Variants in KDM6B observed in about 807,000 individuals in gnomAD.
KDM6B encodes the protein lysine demethylase 6B, also known as lysine-specific demethylase 6B.
Under a neutral mutation model 150.4 loss-of-function variants are expected in KDM6B, and 22 were observed. The observed-to-expected ratio is 0.15, with a 90% confidence interval of 0.10 to 0.21. The LOEUF is 0.21. Among genes scored for constraint, KDM6B ranks in the 10% least tolerant of loss-of-function variants. The probability of loss-of-function intolerance (pLI) is 1.00; values close to 1 mark genes in which losing one functional copy is unlikely to be tolerated. For missense variants in KDM6B, 1,984 were observed against 2,234.3 expected, an observed-to-expected ratio of 0.89 and a Z score of 2.26; for synonymous variants, 1,148 against 921.1, an observed-to-expected ratio of 1.25 and a Z score of -4.46.
chr17:7,853,182 C>G lies in KDM6B; in HGVS notation c.4738-28C>G, dbSNP rs535594877. 29 of 1,613,732 alleles carry G rather than the reference C, an allele frequency of 1.8e-5. No homozygotes were observed. The East Asian group carries it at 4.7e-4, about 26-fold the overall frequency. On this transcript the variant is annotated intron_variant, in intron 22 of 23. Coordinates refer to ENST00000448097, the MANE Select transcript of KDM6B (RefSeq NM_001348716.2). Reference sequence around the variant, plus strand: ...AGTGTCCACAGTGGCCCTCCCTCCCCCTGACTGCACTGTCCTCCCTGCCCC... The same window carrying G: ...AGTGTCCACAGTGGCCCTCCCTCCCGCTGACTGCACTGTCCTCCCTGCCCC...
chr17:7,852,121 TC>T (rs1214661725), intron 19 of KDM6B, 27 bp from the exon 20 acceptor site: 1 of 1,613,976 alleles, frequency 6.2e-7, no homozygotes, highest in Non-Finnish European at 8.5e-7. Flanking sequence ...GGTCCCCAGT[TC>T]CCACCTGACC....
At chr17:7,853,423 G>C (rs2078744240) in intron 23 of KDM6B, 43 bp downstream of exon 23, 1 of 1,531,732 alleles carries the variant, frequency 6.5e-7, no homozygotes, top group South Asian at 1.2e-5. Flanking sequence ...GAGGGCACTG[G>C]GGCAGGCTGC....
In KDM6B at chr17:7,843,770, A is replaced by G. The variant is rs1430553776; in HGVS notation, c.-268-1131A>G. On this transcript the variant is annotated intron_variant, in intron 2 of 23. Coordinates refer to ENST00000448097, the MANE Select transcript of KDM6B (RefSeq NM_001348716.2). This position sits in a 1 kb window ranked among gnomAD's most constrained non-coding sequence, Gnocchi z 4.5. ...CTCAATGGACCGATCCCGGGAGCCG[A>G]GTCGGCTCCCTACCTGCGGGGACGC... Among the ~76,000 whole-genome samples the G allele has an allele frequency of 3.3e-5, 5 of 152,008 alleles. No individual in the cohort carries two copies. Among genetic ancestry groups the G allele is most frequent in the African/African-American group, 1.2e-4 (5 of 41,406 alleles).
At position 7,852,343 on chromosome 17, in the gene KDM6B, G is replaced by T. The variant is rs772572021; in HGVS notation, c.4468+7G>T. The T allele has an allele frequency of 1.4e-5, 22 of 1,610,498 alleles. No homozygotes were observed. Among genetic ancestry groups the T allele is most frequent in the Non-Finnish European group, 1.9e-5 (22 of 1,178,944 alleles). ...AACGTGGGGCCCCTCACCGGTGAGA[G>T]GGTGGGGCAGGTGTTGGCGTGGTGT... On this transcript the variant is annotated splice_region_variant and intron_variant, in intron 20 of 23. Coordinates refer to ENST00000448097, the MANE Select transcript of KDM6B (RefSeq NM_001348716.2).
At chr17:7,842,893 A>T (rs2078446908) in intron 2 of KDM6B, among the ~76,000 whole-genome samples, 1 of 152,126 alleles carries the variant, frequency 6.6e-6, no homozygotes, top group African/African-American at 2.4e-5. Flanking sequence ...TGAGGAGTCC[A>T]GCGCCTGGGT....
At chr17:7,846,371 G>GGGGGGGGGGCCCGGGCCCCCCCC in intron 7 of KDM6B, 29 bp from the exon 8 acceptor site, 1 of 1,488,926 alleles carries the variant, frequency 6.7e-7, no homozygotes, top group Non-Finnish European at 9.2e-7. Flanking sequence ...CCTGACATCT[G>GGGGGGGGGGCCCGGGCCCCCCCC]CCCCTGCCCC....
At chr17:7,842,223 GC>G (rs2078431279) in intron 2 of KDM6B, among the ~76,000 whole-genome samples, 1 of 152,204 alleles carries the variant, frequency 6.6e-6, no homozygotes, top group African/African-American at 2.4e-5. Flanking sequence ...TCCAGCGGGG[GC>G]GGGGGGTAGG....
rs2078617146 is a variant in KDM6B, at chr17:7,848,572, A to G, written c.2284A>G (p.Thr762Ala). ...TTTTTTTTTT[T>A]ATQEEEKKPP... ...CACCACCACCACCACCACCACCACC[A>G]CGGCCACCCAGGAAGAGGAGAAGAA... The change falls in exon 12 of 24, where the codon ACG (threonine) becomes GCG (alanine). Residue 762 changes from threonine to alanine, a missense_variant. By Grantham distance (58) the Thr-to-Ala change is moderately conservative. Transcript: ENST00000448097. 1 of 1,521,842 alleles carries G rather than the reference A, an allele frequency of 6.6e-7. No homozygotes were observed. Among genetic ancestry groups the G allele is most frequent in the Non-Finnish European group, 8.8e-7 (1 of 1,131,788 alleles). The allele number at this position is 1,521,842 out of a possible 1,614,324, so 94.3% of individuals were successfully genotyped here.
intron 2 of KDM6B, among the ~76,000 whole-genome samples, chr17:7,842,850 G>A (rs1293817612): frequency 6.6e-6 from 1 of 151,858 alleles, no homozygotes; most frequent in Non-Finnish European, 1.5e-5. Flanking sequence ...CAGACCCCGA[G>A]GGAGGGCTTT....
At position 7,846,881 on chromosome 17, in the gene KDM6B, ACC is replaced by A; in HGVS notation, c.775_776del (p.Pro259ThrfsTer100). Reference protein sequence around the residue: ...PPLPPPPPPPPPPPPPLPGLA... With the variant: ...PPLPPPPPPPXPPPPPLPGLA... Reference sequence around the variant, plus strand: ...CATTACCACCACCACCACCACCACCACCACCACCACCACCACCCCTGCCTGGC... The same window carrying A: ...CATTACCACCACCACCACCACCACCAACCACCACCACCACCCCTGCCTGGC... On this transcript the variant is annotated frameshift_variant, in exon 10 of 24. Transcript: ENST00000448097. LOFTEE classifies it high-confidence loss of function. 1 of 1,328,558 alleles carries A rather than the reference ACC, an allele frequency of 7.5e-7. No homozygotes were observed. Among genetic ancestry groups the A allele is most frequent in the South Asian group, 1.2e-5 (1 of 85,908 alleles). 82.3% of individuals were successfully genotyped at this position (1,328,558 alleles called of 1,614,324 possible).
In KDM6B at chr17:7,845,950, C is replaced by A; in HGVS notation, c.216C>A (p.Ser72Arg). The A allele has an allele frequency of 1.2e-6, 2 of 1,613,960 alleles. No individual in the cohort carries two copies. The highest frequency in any genetic ancestry group is 1.1e-5 in the South Asian group (1 of 91,078). The change falls in exon 6 of 24, where the codon AGC becomes AGA. Residue 72 changes from serine (S) to arginine (R), a missense_variant. This residue lies in a region of KDM6B where 337 missense variants were observed against 323.9 expected (regional missense o/e 1.04). Transcript: ENST00000448097. ...PSHGSSSGHP[S>R]KPYYAPGAPT... Reference sequence around the variant, plus strand: ...ATGGCAGTAGTTCTGGGCACCCCAGCAAACCATATTATGCTCCAGGGTGAG... The same window carrying A: ...ATGGCAGTAGTTCTGGGCACCCCAGAAAACCATATTATGCTCCAGGGTGAG...
Position 7,848,104 on chromosome 17 carries a change from C to T in KDM6B, c.1816C>T (p.Leu606=), listed in dbSNP as rs954796572. The T allele has an allele frequency of 1.2e-6, 2 of 1,612,856 alleles. No individual in the cohort carries two copies. Among genetic ancestry groups the T allele is most frequent in the African/African-American group, 1.3e-5 (1 of 74,822 alleles). Residue 606 remains leucine, a synonymous_variant, in exon 12 of 24, where the codon CTG becomes TTG. Coordinates refer to ENST00000448097, the MANE Select transcript of KDM6B (RefSeq NM_001348716.2). ...DPPLVPLTLA[L]PPAPPSSCHQ... ...ACCTCTTGTACCCCTGACTCTTGCC[C>T]TGCCTCCAGCCCCTCCTTCCTCCTG...
Position 7,853,318 on chromosome 17 carries a change from G to A in KDM6B, c.4846G>A (p.Val1616Met), listed in dbSNP as rs751183543. 6.3e-7 allele frequency: 1 copy of A among 1,593,574 alleles called. No homozygotes were observed. The highest frequency in any genetic ancestry group is 8.5e-7 in the Non-Finnish European group (1 of 1,171,304). The change falls in exon 23 of 24, where the codon GTG becomes ATG. Residue 1616 changes from valine to methionine, a missense_variant. Around this residue, in one of 13 missense-constraint regions of KDM6B, gnomAD observed 58 missense variants for 76.4 expected, o/e 0.76. Transcript: ENST00000448097. ...GCGCCGCAGCGCAGGCCTGCAGGGCGTGGTGGTGCTGGAGCAGTACCGCAC... is the reference window on the plus strand; with the variant it reads ...GCGCCGCAGCGCAGGCCTGCAGGGCATGGTGGTGCTGGAGCAGTACCGCAC... ...ARRRSAGLQG[V>M]VVLEQYRTEE...
chr17:7,848,314 A>C lies in KDM6B; in HGVS notation c.2026A>C (p.Thr676Pro), dbSNP rs1597844739. 1 of 1,600,894 alleles carries C rather than the reference A, an allele frequency of 6.2e-7. No homozygotes were observed. The highest frequency in any genetic ancestry group is 8.5e-7 in the Non-Finnish European group (1 of 1,176,912). Reference protein sequence around the residue: ...RGPRLFDFPPTPLEDQFEEPA... With the variant: ...RGPRLFDFPPPPLEDQFEEPA... ...CCCTCGACTCTTTGATTTTCCCCCC[A>C]CTCCGCTGGAGGACCAGTTTGAGGA... The change falls in exon 12 of 24, where the codon ACT (threonine) becomes CCT (proline). Residue 676 changes from threonine (T) to proline (P), a missense_variant. Thr to Pro is a conservative substitution (Grantham distance 38). This residue lies in a region of KDM6B where 1,379 missense variants were observed against 1,275.6 expected (regional missense o/e 1.08). Transcript: ENST00000448097.
intron 15 of KDM6B, 34 bp from the exon 16 acceptor site, chr17:7,851,296 C>T: frequency 6.2e-7 from 1 of 1,613,812 alleles, no homozygotes; most frequent in Non-Finnish European, 8.5e-7. Context: ...CGAAAGGTCT[C>T]TGACCCAGGC....
At chr17:7,837,080 C>T (rs1188738485) in intron 1 of KDM6B, among the ~76,000 whole-genome samples, 1 of 152,140 alleles carries the variant, frequency 6.6e-6, no homozygotes, top group Admixed American at 6.5e-5. Context: ...AAGACTTTGC[C>T]CCTTTGCTGG....
chr17:7,852,272 T>C lies in KDM6B; in HGVS notation c.4404T>C (p.Thr1468=). The change falls in exon 20 of 24, where the codon ACT becomes ACC. Residue 1468 remains threonine (T), a synonymous_variant. Transcript: ENST00000448097. The stretch of plus-strand genomic sequence containing the variant: ...ACCTCGTGTGGATTAATGCGGGGAC[T>C]GTGCACTGGGTGCAGGCCACCGGCT... The part of the protein sequence containing the change: ...PGDLVWINAG[T]VHWVQATGWC... 2 of 1,614,030 alleles carry C rather than the reference T, an allele frequency of 1.2e-6. No individual in the cohort carries two copies. The highest frequency in any genetic ancestry group is 1.7e-6 in the Non-Finnish European group (2 of 1,180,036).
rs2078574992 is a variant in KDM6B, at chr17:7,847,388, C to CCAGCAGCAG, written c.1197_1205dup (p.Ser404_Ser406dup). On this transcript the variant is annotated inframe_insertion, in exon 11 of 24. Transcript: ENST00000448097. Reference sequence around the variant, plus strand: ...CCCCCTGGCCTCCCCGGCACCACCACCAGCAGCAGCAGTAGCAGCAGCAGC... The same window carrying CCAGCAGCAG: ...CCCCCTGGCCTCCCCGGCACCACCACCAGCAGCAGCAGCAGCAGCAGTAGCAGCAGCAGC... 6.2e-7 allele frequency: 1 copy of CCAGCAGCAG among 1,613,354 alleles called. No homozygotes were observed. The highest frequency in any genetic ancestry group is 1.3e-5 in the African/African-American group (1 of 74,920).
At position 7,851,422 on chromosome 17, in the gene KDM6B, C is replaced by T. The variant is rs1211754786; in HGVS notation, c.3944+28C>T. On this transcript the variant is annotated intron_variant, in intron 16 of 23. Transcript: ENST00000448097. ...ACTGTGCAGGTGTGCCCCTTCTGTT[C>T]CTGCTTCCTTCCCCTCCCTCTGCTC... The T allele has an allele frequency of 1.9e-6, 3 of 1,614,040 alleles. No homozygotes were observed. In the Admixed American group the frequency reaches 5.0e-5, roughly 27 times the overall value.
Sources: gnomAD v4.1 joint callset for allele counts (sites outside exome capture counted in the v4.1 genomes callset) on GRCh38, gnomAD v4.1.1 for gene constraint, gnomAD v4.1.1 regional missense constraint, Gnocchi (gnomAD v3.1) non-coding constraint, MANE v1.5 for transcripts, NCBI Gene and HGNC (gene_info 2026-07-23, HGNC 2026-07-21) for gene names.